The following LOXL4 variants were observed in gnomAD, a reference collection of about 807,000 sequenced individuals.
The protein encoded by LOXL4 is lysyl oxidase homolog 4.
In LOXL4, 72 loss-of-function variants were observed where a neutral mutation model predicts 89.1. The ratio of observed to expected loss-of-function variants is 0.81; its 90% CI spans 0.67 to 0.98. LOXL4 has a LOEUF of 0.98. LOXL4 is among the 50% of genes least tolerant of loss of function. The pLI, the probability that LOXL4 is intolerant of heterozygous loss-of-function variation, is 0.00. For synonymous variants in LOXL4, 355 were observed against 392.1 expected, an observed-to-expected ratio of 0.91 and a Z score of 1.12; for missense variants, 984 against 1,017.5, an observed-to-expected ratio of 0.97 and a Z score of 0.45.
chr10:98,249,533 G>A (rs1590873596), intron 14 of LOXL4, among the ~76,000 whole-genome samples: 2 of 152,130 alleles, frequency 1.3e-5, no homozygotes, highest in Non-Finnish European at 2.9e-5. Flanking sequence ...AGCAGATAAC[G>A]GTTTTCTACT....
At position 98,262,177 on chromosome 10, in the gene LOXL4, G is replaced by T; in HGVS notation, c.314C>A (p.Thr105Lys). Reference sequence around the variant, plus strand: ...CCCGCACTGGTCCAAGGAGCTCTCTGTGCCCACACAGCGCACATTGTCCAG... The same window carrying T: ...CCCGCACTGGTCCAAGGAGCTCTCTTTGCCCACACAGCGCACATTGTCCAG... ...IWLDNVRCVGTESSLDQCGSN... is the reference protein window; with the variant it reads ...IWLDNVRCVGKESSLDQCGSN... Residue 105 changes from threonine (T) to lysine (K), a missense_variant, in exon 3 of 15, where the codon ACA (threonine) becomes AAA (lysine). Physicochemically the swap from Thr to Lys is moderately conservative, Grantham distance 78. Transcript: ENST00000260702. 6.2e-7 allele frequency: 1 copy of T among 1,613,756 alleles called. No individual in the cohort carries two copies. Among genetic ancestry groups the T allele is most frequent in the Non-Finnish European group, 8.5e-7 (1 of 1,180,010 alleles).
At chr10:98,259,950 G>T (rs1202199574) in intron 4 of LOXL4, among the ~76,000 whole-genome samples, 1 of 152,168 alleles carries the variant, frequency 6.6e-6, no homozygotes, top group Non-Finnish European at 1.5e-5. Flanking sequence ...CTCAGAACGG[G>T]GTTCCTCTAA....
chr10:98,258,159 C>T lies in LOXL4; in HGVS notation c.927G>A (p.Pro309=), dbSNP rs749176974. ...PQRKGSWAEE[P]RVRLRSGAQV... ...GGGCCCCGGAGCGCAGGCGCACCCT[C>T]GGCTCCTGCTGGGAGAAACCTGCTT... is the stretch of plus-strand genomic sequence containing the variant. The change falls in exon 7 of 15, where the codon CCG becomes CCA. Residue 309 remains proline (P), a synonymous_variant. Transcript: ENST00000260702. The T allele has an allele frequency of 1.1e-5, 18 of 1,609,986 alleles. No homozygotes were observed. Among genetic ancestry groups the T allele is most frequent in the Non-Finnish European group, 1.4e-5 (16 of 1,177,722 alleles).
At chr10:98,252,905 A>G (rs1168328782) in intron 11 of LOXL4, among the ~76,000 whole-genome samples, 1 of 152,190 alleles carries the variant, frequency 6.6e-6, no homozygotes, top group Non-Finnish European at 1.5e-5. Context: ...TGCTACAGGG[A>G]AAGGTGCTTA....
chr10:98,252,441 G>A lies in LOXL4; in HGVS notation c.1863C>T (p.Thr621=), dbSNP rs372115263. Residue 621 remains threonine (T), a synonymous_variant, in exon 12 of 15, where the codon ACC becomes ACT. Transcript: ENST00000260702. ...CATTGAGAGTGAGGAGGTCGTAGTG[G>A]GTGAAGACCTCAATGCTGTGGTAAT... The part of the protein sequence containing the change: ...HRHYHSIEVF[T]HYDLLTLNGS... 9.9e-6 allele frequency: 16 copies of A among 1,613,750 alleles called. No homozygotes were observed. The highest frequency in any genetic ancestry group is 1.3e-5 in the African/African-American group (1 of 74,912).
intron 10 of LOXL4, among the ~76,000 whole-genome samples, chr10:98,255,337 G>A (rs116260041): frequency 7.0e-4 from 107 of 152,292 alleles, no homozygotes; most frequent in African/African-American, 2.4e-3. Flanking sequence ...GAAAACCGCC[G>A]TTCCGTGTCC....
chr10:98,255,946 G>A (rs1191888221), intron 9 of LOXL4: 1 of 525,972 alleles, frequency 1.9e-6, no homozygotes, highest in African/African-American at 1.9e-5. Flanking sequence ...ACCACATATG[G>A]AGGTAAAAAT....
chr10:98,255,459 C>T, intron 10 of LOXL4, 118 bp downstream of exon 10: 1 of 1,154,104 alleles, frequency 8.7e-7, no homozygotes, highest in Non-Finnish European at 1.2e-6. Flanking sequence ...AATGGCAGAG[C>T]TGGTACTTTC....
Position 98,260,999 on chromosome 10 carries a change from C to T in LOXL4, c.585G>A (p.Trp195Ter). 6.2e-7 allele frequency: 1 copy of T among 1,614,016 alleles called. No individual in the cohort carries two copies. Among genetic ancestry groups the T allele is most frequent in the Non-Finnish European group, 8.5e-7 (1 of 1,180,042 alleles). ...GHWRQVCDQG[W>*]TMNNSRVVCG... ...ACACCACCCTGCTGTTGTTCATGGT[C>T]CAGCCCTGGTCACACACCTGCCGCC... The change falls in exon 4 of 15, where the codon TGG becomes TGA. Residue 195 changes from tryptophan to a stop codon, truncating the protein, a stop_gained. Coordinates refer to ENST00000260702, the MANE Select transcript of LOXL4 (RefSeq NM_032211.7). LOFTEE classifies it high-confidence loss of function.
intron 1 of LOXL4, among the ~76,000 whole-genome samples, chr10:98,264,845 C>A (rs1318265695): frequency 1.5e-5 from 2 of 135,636 alleles, no homozygotes; most frequent in Non-Finnish European, 1.7e-5. Context: ...TCTGATGAGA[C>A]CTGCCTCTTC....
chr10:98,251,581 C>T lies in LOXL4; in HGVS notation c.2073G>A (p.Gly691=), dbSNP rs961079079. 6.2e-7 allele frequency: 1 copy of T among 1,614,196 alleles called. No homozygotes were observed. Residue 691 remains glycine (G), a synonymous_variant, in exon 13 of 15, where the codon GGG becomes GGA. Coordinates refer to ENST00000260702, the MANE Select transcript of LOXL4 (RefSeq NM_032211.7). ...GCCGCCTTACCTGGAAGATATAATT[C>T]CCGGGGCCCACATCTGTGATATCCA... The part of the protein sequence containing the change: ...QWVDITDVGP[G]NYIFQVIVNP...
At position 98,262,189 on chromosome 10, in the gene LOXL4, C is replaced by T. The variant is rs142931078; in HGVS notation, c.302G>A (p.Arg101His). 230 of 1,613,588 alleles carry T rather than the reference C, an allele frequency of 1.4e-4. 2 individuals are homozygous for T. The highest frequency in any genetic ancestry group is 6.9e-5 in the Non-Finnish European group (82 of 1,180,016). ...CAAGGAGCTCTCTGTGCCCACACAG[C>T]GCACATTGTCCAGCCAGATGGGTCC... ...GEGPIWLDNV[R>H]CVGTESSLDQ... Residue 101 changes from arginine (R) to histidine (H), a missense_variant, in exon 3 of 15, where the codon CGC (arginine) becomes CAC (histidine). Physicochemically the swap from Arg to His is conservative, Grantham distance 29. Coordinates refer to ENST00000260702, the MANE Select transcript of LOXL4 (RefSeq NM_032211.7).
At chr10:98,249,031 C>T in intron 14 of LOXL4, 40 bp from the exon 15 acceptor site, 2 of 1,517,918 alleles carry the variant, frequency 1.3e-6, no homozygotes, top group Non-Finnish European at 1.8e-6. Flanking sequence ...CCAACCTTTC[C>T]AGTCTCATCC....
At chr10:98,251,781 T>C in intron 12 of LOXL4, 79 bp from the exon 13 acceptor site, 5 of 1,535,352 alleles carry the variant, frequency 3.3e-6, no homozygotes, top group Non-Finnish European at 4.4e-6. Flanking sequence ...ACCAGTTCAG[T>C]GTCATCATGC....
At chr10:98,251,530 A>C (rs1398973096) in intron 13 of LOXL4, 36 bp downstream of exon 13, 39 of 1,609,944 alleles carry the variant, frequency 2.4e-5, no homozygotes, top group Non-Finnish European at 3.3e-5. Flanking sequence ...ATCTGGAGGA[A>C]ATCAGGCTCT....
intron 13 of LOXL4, 115 bp downstream of exon 13, chr10:98,251,451 G>A: frequency 7.1e-7 from 1 of 1,415,330 alleles, no homozygotes; most frequent in Non-Finnish European, 9.7e-7. Flanking sequence ...TCCTTTAAGT[G>A]ACAGGCCTGT....
chr10:98,264,029 C>T (rs922396788), intron 1 of LOXL4, among the ~76,000 whole-genome samples: 16 of 151,932 alleles, frequency 1.1e-4, no homozygotes, highest in Non-Finnish European at 2.1e-4. Flanking sequence ...CTGTGCCCGG[C>T]CCTGACTCTT....
intron 11 of LOXL4, 86 bp downstream of exon 11, chr10:98,253,467 C>G (rs1858262442): frequency 1.3e-6 from 2 of 1,583,998 alleles, no homozygotes; most frequent in African/African-American, 1.3e-5. Context: ...GAAAACTTGC[C>G]TGTGGCCAGG....
At position 98,258,137 on chromosome 10, in the gene LOXL4, C is replaced by T. The variant is rs766904084; in HGVS notation, c.949G>A (p.Ala317Thr). ...TCCACCCGGCCCTCGCCCACCTGGG[C>T]CCCGGAGCGCAGGCGCACCCTCGGC... is the stretch of plus-strand genomic sequence containing the variant. ...EEPRVRLRSG[A>T]QVGEGRVEVL... Residue 317 changes from alanine to threonine, a missense_variant, in exon 7 of 15, where the codon GCC (alanine) becomes ACC (threonine). Physicochemically the swap from Ala to Thr is moderately conservative, Grantham distance 58. Transcript: ENST00000260702. 1.1e-5 allele frequency: 17 copies of T among 1,612,562 alleles called. 1 individual carries two copies. In the South Asian group the frequency reaches 1.6e-4, roughly 16 times the overall value.
Sources: allele counts gnomAD v4.1 joint callset (sites outside exome capture counted in the v4.1 genomes callset), GRCh38; gene constraint gnomAD v4.1.1; transcripts MANE v1.5; gene names NCBI Gene and HGNC (gene_info 2026-07-23, HGNC 2026-07-21).